The following NRG3 variants were observed in gnomAD, a reference collection of about 807,000 sequenced individuals.
NRG3 encodes the protein pro-neuregulin-3, membrane-bound isoform.
Under a neutral mutation model 66.9 loss-of-function variants are expected in NRG3, and 31 were observed. The observed-to-expected ratio is 0.46, with a 90% CI of 0.35 to 0.63. The LOEUF is 0.63. NRG3 is among the 20% of genes least tolerant of loss of function. NRG3 has a pLI of 0.00. For missense variants in NRG3, 910 were observed against 878.9 expected (o/e 1.04, Z -0.45); for synonymous variants, 393 against 359.4 (o/e 1.09, Z -1.06).
At chr10:82,723,196 C>A (rs2057404306) in intron 2 of NRG3, among the ~76,000 whole-genome samples, 2 of 152,114 alleles carry the variant, frequency 1.3e-5, no homozygotes, top group South Asian at 4.2e-4. Context: ...AGGCCATTAT[C>A]CTAAGCAAAT....
At chr10:82,013,682 A>C (rs2061672427) in intron 1 of NRG3, among the ~76,000 whole-genome samples, 1 of 152,096 alleles carries the variant, frequency 6.6e-6, no homozygotes, top group South Asian at 2.1e-4. Context: ...TTATTGATAG[A>C]AAATGTGTTT....
chr10:82,029,873 A>G (rs1053713821), intron 1 of NRG3, among the ~76,000 whole-genome samples: 2 of 152,064 alleles, frequency 1.3e-5, no homozygotes, highest in Non-Finnish European at 2.9e-5. Flanking sequence ...TGATTATCTA[A>G]AGGGAACTTT....
chr10:82,631,493 A>G (rs1190778331), intron 2 of NRG3, among the ~76,000 whole-genome samples: 1 of 152,148 alleles, frequency 6.6e-6, no homozygotes. Context: ...AAAATTTACT[A>G]AGTCTTTCAG....
intron 1 of NRG3, among the ~76,000 whole-genome samples, chr10:82,205,072 G>A (rs2075049298): frequency 6.6e-6 from 1 of 152,170 alleles, no homozygotes; most frequent in South Asian, 2.1e-4. Context: ...TATGCAATAA[G>A]CAAATGGAAA....
At chr10:82,349,564 A>C (rs2083275037) in intron 1 of NRG3, among the ~76,000 whole-genome samples, 1 of 152,008 alleles carries the variant, frequency 6.6e-6, no homozygotes, top group Non-Finnish European at 1.5e-5. Context: ...AGAGGCAGGC[A>C]GGCCTCCTTG....
intron 2 of NRG3, among the ~76,000 whole-genome samples, chr10:82,386,275 T>C (rs1433849569): frequency 6.6e-6 from 1 of 152,202 alleles, no homozygotes; most frequent in Non-Finnish European, 1.5e-5. Context: ...CATTTGGCTG[T>C]ATGTACCATT....
At chr10:82,570,048 A>T (rs2045637758) in intron 2 of NRG3, among the ~76,000 whole-genome samples, 1 of 151,624 alleles carries the variant, frequency 6.6e-6, no homozygotes, top group African/African-American at 2.4e-5. Flanking sequence ...ACATGCTGCA[A>T]ACCTTACCAT....
At chr10:82,973,365 A>G (rs1393164408) in intron 6 of NRG3, among the ~76,000 whole-genome samples, 2 of 152,232 alleles carry the variant, frequency 1.3e-5, no homozygotes, top group Non-Finnish European at 2.9e-5. Context: ...GTCTTTCATC[A>G]TTCTCAGAAT....
chr10:82,811,723 G>A (rs1218498060), intron 3 of NRG3, among the ~76,000 whole-genome samples: 1 of 152,122 alleles, frequency 6.6e-6, no homozygotes, highest in African/African-American at 2.4e-5. Flanking sequence ...TAATAGGCCC[G>A]TATTTCAACA....
intron 1 of NRG3, among the ~76,000 whole-genome samples, chr10:81,933,803 T>C (rs573974480): frequency 6.6e-6 from 1 of 152,270 alleles, no homozygotes; most frequent in South Asian, 2.1e-4. Context: ...CCTGTATTTC[T>C]GCTACAAATG....
intron 1 of NRG3, among the ~76,000 whole-genome samples, chr10:82,327,395 T>C (rs1199014727): frequency 6.6e-6 from 1 of 152,210 alleles, no homozygotes; most frequent in East Asian, 1.9e-4. Flanking sequence ...GATAACTGTG[T>C]CTACAATCAA....
intron 1 of NRG3, among the ~76,000 whole-genome samples, chr10:82,229,340 A>T (rs2076333018): frequency 6.6e-6 from 1 of 152,262 alleles, no homozygotes; most frequent in African/African-American, 2.4e-5. Context: ...TAAGCAATAG[A>T]CATTAACAAA....
rs941172894 is a variant in NRG3 at position 82,423,577 on chromosome 10, G to A, written c.953+64709G>A. Reference sequence around the variant, plus strand: ...ATCCAATATGTGGAGGGAAACACAAGGAAACAGTAATTACCATTATGAAAG... The same window carrying A: ...ATCCAATATGTGGAGGGAAACACAAAGAAACAGTAATTACCATTATGAAAG... On this transcript the variant is annotated intron_variant, in intron 2 of 8. Transcript: ENST00000372141. Among the ~76,000 whole-genome samples, 15 of 151,702 alleles carry A rather than the reference G, an allele frequency of 9.9e-5. 1 individual carries two copies. Among genetic ancestry groups the A allele is most frequent in the Admixed American group, 8.6e-4 (13 of 15,202 alleles).
At chr10:82,107,265 T>C (rs1388436253) in intron 1 of NRG3, among the ~76,000 whole-genome samples, 1 of 152,162 alleles carries the variant, frequency 6.6e-6, no homozygotes, top group African/African-American at 2.4e-5. Flanking sequence ...TTTGGAAACT[T>C]GGATTTTGGA....
chr10:82,110,093 A>T (rs1488806001), intron 1 of NRG3, among the ~76,000 whole-genome samples: 2 of 152,190 alleles, frequency 1.3e-5, no homozygotes, highest in Non-Finnish European at 2.9e-5. Context: ...CATAAGTGCT[A>T]CAGAGACAAA....
intron 2 of NRG3, among the ~76,000 whole-genome samples, chr10:82,730,318 T>TCA (rs2057835262): frequency 6.6e-6 from 1 of 151,908 alleles, no homozygotes; most frequent in Non-Finnish European, 1.5e-5. Flanking sequence ...TCTCCTGACC[T>TCA]TGTGATCCAC....
chr10:82,407,481 C>A (rs769169618), intron 2 of NRG3, among the ~76,000 whole-genome samples: 1 of 151,572 alleles, frequency 6.6e-6, no homozygotes, highest in Non-Finnish European at 1.5e-5. Context: ...AGTTAAGGAA[C>A]CTCTGTGTGG....
intron 2 of NRG3, among the ~76,000 whole-genome samples, chr10:82,609,095 C>CCA (rs1327640907): frequency 2.6e-5 from 4 of 152,040 alleles, no homozygotes; most frequent in Non-Finnish European, 5.9e-5. Flanking sequence ...CCTTTTTTTA[C>CCA]TAACACTTTA....
intron 2 of NRG3, among the ~76,000 whole-genome samples, chr10:82,588,806 C>G (rs2046824759): frequency 6.6e-6 from 1 of 152,084 alleles, no homozygotes; most frequent in Non-Finnish European, 1.5e-5. Flanking sequence ...CAGCCTAAAC[C>G]CCTTTTCTTT....
Sources: gnomAD v4.1 joint callset for allele counts (sites outside exome capture counted in the v4.1 genomes callset) on GRCh38, gnomAD v4.1.1 for gene constraint, MANE v1.5 for transcripts, NCBI Gene and HGNC (gene_info 2026-07-23, HGNC 2026-07-21) for gene names.